POR: variants seen among roughly 807,000 people sequenced by gnomAD.
POR encodes the protein NADPH--cytochrome P450 reductase.
In POR, 56 loss-of-function variants were observed where a neutral mutation model predicts 84.0. That is an observed-to-expected ratio of 0.67 (90% CI 0.54 to 0.83). POR has a LOEUF of 0.83. Among genes scored for constraint, POR ranks in the 40% least tolerant of loss-of-function variants. The pLI, the probability that POR is intolerant of heterozygous loss-of-function variation, is 0.00. For missense variants in POR, 938 were observed against 944.3 expected, an observed-to-expected ratio of 0.99 and a Z score of 0.09; for synonymous variants, 414 against 400.5, an observed-to-expected ratio of 1.03 and a Z score of -0.40.
In POR at chr7:75,981,500, T is replaced by TCCTCTCCTC; in HGVS notation, c.642-16_642-8dup. The stretch of plus-strand genomic sequence containing the variant: ...GGCCTCCCCTGAGCCGCTCCCCCTC[T>TCCTCTCCTC]CCTCTCCTCGGCCCAGCTTGGAGGA... On this transcript the variant is annotated splice_polypyrimidine_tract_variant and intron_variant, in intron 6 of 15. Coordinates refer to ENST00000461988, the MANE Select transcript of POR (RefSeq NM_000941.3). The TCCTCTCCTC allele has an allele frequency of 6.2e-7, 1 of 1,604,686 alleles. No homozygotes were observed. Among genetic ancestry groups the TCCTCTCCTC allele is most frequent in the Non-Finnish European group, 8.5e-7 (1 of 1,175,516 alleles).
At chr7:75,917,374 T>TTTC (rs201393651) in intron 1 of POR, among the ~76,000 whole-genome samples, 18 of 144,904 alleles carry the variant, frequency 1.2e-4, no homozygotes, top group Admixed American at 2.0e-4. Flanking sequence ...GGCTTTCTTA[T>TTTC]TTCTTCTTCT....
At chr7:75,952,691 G>A (rs1431560062) in intron 1 of POR, among the ~76,000 whole-genome samples, 2 of 148,340 alleles carry the variant, frequency 1.3e-5, no homozygotes, top group Admixed American at 6.7e-5. Context: ...ACGGGGCGGC[G>A]GGGCAGAGGC....
chr7:75,956,134 A>G (rs1377164781), intron 2 of POR, among the ~76,000 whole-genome samples: 2 of 152,142 alleles, frequency 1.3e-5, no homozygotes, highest in South Asian at 4.1e-4. Context: ...CCCCGTCTCT[A>G]CCGAAAATAC....
intron 1 of POR, among the ~76,000 whole-genome samples, chr7:75,942,469 TA>T: frequency 6.6e-6 from 1 of 152,168 alleles, no homozygotes; most frequent in South Asian, 2.1e-4. Flanking sequence ...TTTTTTTTTT[TA>T]GATTCCCCTC....
At chr7:75,986,121 CCACAGT>C (rs1554559356) in intron 14 of POR, 32 bp from the exon 15 acceptor site, 1 of 1,585,656 alleles carries the variant, frequency 6.3e-7, no homozygotes, top group South Asian at 1.1e-5. Flanking sequence ...AGGGCCACAG[CCACAGT>C]GCCCCCCTCA....
chr7:75,948,459 T>A (rs1295579933), intron 1 of POR, among the ~76,000 whole-genome samples: 1 of 152,130 alleles, frequency 6.6e-6, no homozygotes, highest in African/African-American at 2.4e-5. Context: ...TGCGTGTTAG[T>A]TTCCTTACAG....
intron 1 of POR, among the ~76,000 whole-genome samples, chr7:75,921,853 C>T (rs1554548878): frequency 4.6e-5 from 7 of 152,104 alleles, no homozygotes; most frequent in South Asian, 2.1e-4. Flanking sequence ...ACTACAGGCA[C>T]GTGCCTCCAC....
Position 75,983,601 on chromosome 7 carries a change from G to A in POR, c.912G>A (p.Met304Ile), listed in dbSNP as rs1554558480. The change falls in exon 9 of 16, where the codon ATG (methionine) becomes ATA (isoleucine). Residue 304 changes from methionine (M) to isoleucine (I), a missense_variant. Met to Ile is a conservative substitution (Grantham distance 10, BLOSUM62 1). Coordinates refer to ENST00000461988, the MANE Select transcript of POR (RefSeq NM_000941.3). ...ACCAGGGAACCGAGCGCCACCTCAT[G>A]CACCTGGAATTGGACATCTCGGACT... 1.9e-6 allele frequency: 3 copies of A among 1,612,970 alleles called. No individual in the cohort carries two copies. Among genetic ancestry groups the A allele is most frequent in the Non-Finnish European group, 2.5e-6 (3 of 1,179,848 alleles).
intron 1 of POR, among the ~76,000 whole-genome samples, chr7:75,952,414 C>T (rs1787479105): frequency 7.2e-6 from 1 of 137,942 alleles, no homozygotes; most frequent in African/African-American, 2.7e-5. Flanking sequence ...GGGCGGGGGG[C>T]TGACCCCCCC....
chr7:75,981,043 C>A lies in POR; in HGVS notation c.517-5C>A. 1.3e-6 allele frequency: 2 copies of A among 1,568,300 alleles called. No individual in the cohort carries two copies. The highest frequency in any genetic ancestry group is 1.2e-5 in the South Asian group (1 of 85,390). ...GGCCTCAGAGCGGCCCCTGTGTCCA[C>A]GCAGGTGTTTGGTCTTGGGAACAAG... is the stretch of plus-strand genomic sequence containing the variant. On this transcript the variant is annotated splice_polypyrimidine_tract_variant and splice_region_variant and intron_variant, in intron 5 of 15. Transcript: ENST00000461988.
intron 1 of POR, among the ~76,000 whole-genome samples, chr7:75,949,076 G>A (rs1787303451): frequency 6.6e-6 from 1 of 152,140 alleles, no homozygotes; most frequent in Non-Finnish European, 1.5e-5. Context: ...TGTGGGTGGT[G>A]GGAGTGGGTT....
intron 1 of POR, among the ~76,000 whole-genome samples, chr7:75,926,718 C>CG (rs1425001079): frequency 2.6e-5 from 4 of 152,200 alleles, no homozygotes; most frequent in East Asian, 1.9e-4. Flanking sequence ...CGCTTGAACC[C>CG]GGGGGGCAGA....
At chr7:75,922,905 A>G in intron 1 of POR, 1 of 642,944 alleles carries the variant, frequency 1.6e-6, no homozygotes, top group Non-Finnish European at 2.8e-6. Flanking sequence ...GGTTTAAACG[A>G]CTGGAATCAT....
chr7:75,970,678 C>T (rs1267879151), intron 2 of POR, among the ~76,000 whole-genome samples: 4 of 151,338 alleles, frequency 2.6e-5, no homozygotes, highest in Non-Finnish European at 4.4e-5. Flanking sequence ...AATGCCTCTT[C>T]TTGGAAGTTG....
chr7:75,978,467 G>A (rs763145663), intron 3 of POR, among the ~76,000 whole-genome samples: 6 of 152,166 alleles, frequency 3.9e-5, no homozygotes, highest in Non-Finnish European at 8.8e-5. Flanking sequence ...ATGTGTGTAG[G>A]CTACACACAA....
At chr7:75,983,192 T>C in intron 8 of POR, 1 of 245,416 alleles carries the variant, frequency 4.1e-6, no homozygotes, top group Non-Finnish European at 7.9e-6. Context: ...AATATAAAAG[T>C]TAACCAGGCA....
chr7:75,953,807 C>A (rs1787557245), intron 1 of POR, among the ~76,000 whole-genome samples, 182 bp from the exon 2 acceptor site: 1 of 152,186 alleles, frequency 6.6e-6, no homozygotes, highest in Non-Finnish European at 1.5e-5. Flanking sequence ...ATGTCAGCCC[C>A]AGTCCAAGAC....
At chr7:75,977,428 A>G (rs1474896227) in intron 3 of POR, among the ~76,000 whole-genome samples, 6 of 152,214 alleles carry the variant, frequency 3.9e-5, no homozygotes, top group African/African-American at 1.4e-4. Flanking sequence ...TGAACATCAC[A>G]TAAGCCAGTA....
Position 75,985,086 on chromosome 7 carries a change from C to T in POR, c.1277C>T (p.Ala426Val), listed in dbSNP as rs1563434494. The change falls in exon 12 of 16, where the codon GCC becomes GTC. Residue 426 changes from alanine (A) to valine (V), a missense_variant. Coordinates refer to ENST00000461988, the MANE Select transcript of POR (RefSeq NM_000941.3). ...CTGTACCTGAGCTGGGTGGTGGAGG[C>T]CCGGAGGCACATCCTGGCCATCCTG... 3.1e-6 allele frequency: 5 copies of T among 1,599,578 alleles called. No individual in the cohort carries two copies. Among genetic ancestry groups the T allele is most frequent in the Middle Eastern group, 1.7e-4 (1 of 6,056 alleles).
Sources: allele counts gnomAD v4.1 joint callset (sites outside exome capture counted in the v4.1 genomes callset), GRCh38; gene constraint gnomAD v4.1.1; transcripts MANE v1.5; gene names NCBI Gene and HGNC (gene_info 2026-07-23, HGNC 2026-07-21).